ABCA12: variants seen among roughly 807,000 people sequenced by gnomAD.
ABCA12 encodes ATP binding cassette subfamily A member 12.
A neutral mutation model predicts 293.5 loss-of-function variants in ABCA12; 156 were observed. The observed-to-expected ratio is 0.53, with a 90% CI of 0.47 to 0.61. The LOEUF (loss-of-function observed/expected upper bound fraction) is 0.61. Ranked by LOEUF, ABCA12 falls within the 20% of genes least tolerant of loss-of-function variation. ABCA12 has a pLI of 0.00. For synonymous variants in ABCA12, 1,063 were observed against 1,108.0 expected (o/e 0.96, Z 0.81); for missense variants, 2,797 against 3,090.2 (o/e 0.91, Z 2.25).
chr2:214,947,378 T>C (rs766310530), intron 48 of ABCA12, 44 bp downstream of exon 48: 6 of 1,610,098 alleles, frequency 3.7e-6, no homozygotes, highest in Non-Finnish European at 5.1e-6. Flanking sequence ...TCAGATATGC[T>C]GTTCTAATTA....
chr2:215,110,382 G>A (rs1054448289), intron 2 of ABCA12, among the ~76,000 whole-genome samples: 1 of 152,112 alleles, frequency 6.6e-6, no homozygotes, highest in Non-Finnish European at 1.5e-5. Flanking sequence ...GTGGTGATGG[G>A]CGCCTGTAGT....
chr2:215,043,386 C>A (rs1306143645), intron 7 of ABCA12, among the ~76,000 whole-genome samples: 1 of 151,914 alleles, frequency 6.6e-6, no homozygotes, highest in Non-Finnish European at 1.5e-5. Context: ...CTGCATAGTG[C>A]CAAAATATGC....
At chr2:214,959,208 T>G in intron 39 of ABCA12, 130 bp from the exon 40 acceptor site, 1 of 808,788 alleles carries the variant, frequency 1.2e-6, no homozygotes, top group Non-Finnish European at 2.0e-6. Flanking sequence ...GGGACCTTTT[T>G]TTTTTAAAGG....
chr2:215,048,148 T>C (rs1195852081), intron 6 of ABCA12, among the ~76,000 whole-genome samples: 2 of 151,974 alleles, frequency 1.3e-5, no homozygotes, highest in African/African-American at 4.8e-5. Context: ...AGAATGGCTA[T>C]TAAAAAGTCA....
At chr2:215,094,473 C>A (rs2106110049) in intron 2 of ABCA12, among the ~76,000 whole-genome samples, 1 of 152,268 alleles carries the variant, frequency 6.6e-6, no homozygotes, top group African/African-American at 2.4e-5. Context: ...CCACTCAAGG[C>A]AAATGGTTCT....
intron 2 of ABCA12, among the ~76,000 whole-genome samples, chr2:215,103,935 C>T (rs962244101): frequency 1.3e-5 from 2 of 151,554 alleles, no homozygotes; most frequent in Admixed American, 6.6e-5. Flanking sequence ...TGCTGTGAGC[C>T]GAGATTGCGC....
chr2:215,074,067 TA>T (rs1195219727), intron 2 of ABCA12, among the ~76,000 whole-genome samples: 1 of 152,216 alleles, frequency 6.6e-6, no homozygotes, highest in Non-Finnish European at 1.5e-5. Flanking sequence ...TTTCCTTCTT[TA>T]AATTTTTCTC....
At chr2:215,135,044 C>A (rs1363645224) in intron 1 of ABCA12, among the ~76,000 whole-genome samples, 1 of 152,144 alleles carries the variant, frequency 6.6e-6, no homozygotes, top group East Asian at 1.9e-4. Flanking sequence ...CTCACGGCAA[C>A]CTCCACCTCC....
chr2:215,104,110 T>C (rs1483838772), intron 2 of ABCA12, among the ~76,000 whole-genome samples: 1 of 152,150 alleles, frequency 6.6e-6, no homozygotes, highest in Non-Finnish European at 1.5e-5. Flanking sequence ...TCTGCTCTTA[T>C]GAAGGAAAGA....
At chr2:215,009,080 C>T (rs1700315805) in intron 18 of ABCA12, among the ~76,000 whole-genome samples, 1 of 152,086 alleles carries the variant, frequency 6.6e-6, no homozygotes, top group African/African-American at 2.4e-5. Flanking sequence ...AACCTACATC[C>T]CTAACAATGA....
At chr2:215,048,689 T>C (rs775109203) in intron 6 of ABCA12, among the ~76,000 whole-genome samples, 5 of 151,764 alleles carry the variant, frequency 3.3e-5, no homozygotes, top group Admixed American at 1.3e-4. Context: ...AGTGACAGAG[T>C]GAAGCTGTGT....
chr2:214,952,222 G>GTT (rs34809500), intron 44 of ABCA12, among the ~76,000 whole-genome samples: 1 of 125,350 alleles, frequency 8.0e-6, no homozygotes. Flanking sequence ...TTTTTTTGTT[G>GTT]TTTTTTTTTT....
chr2:215,051,581 AAGATAT>A (rs1194787514), intron 5 of ABCA12, among the ~76,000 whole-genome samples: 1 of 145,126 alleles, frequency 6.9e-6, no homozygotes, highest in Non-Finnish European at 1.5e-5. Context: ...GTTGCTATAT[AAGATAT>A]AGATATATTA....
intron 2 of ABCA12, among the ~76,000 whole-genome samples, chr2:215,104,749 G>T (rs1375955891): frequency 6.6e-6 from 1 of 152,160 alleles, no homozygotes; most frequent in Non-Finnish European, 1.5e-5. Flanking sequence ...CAAGAAGCAG[G>T]CTGTTAATGC....
chr2:215,082,043 C>CTTTTTTTTT (rs549072917), intron 2 of ABCA12, among the ~76,000 whole-genome samples: 1 of 113,158 alleles, frequency 8.8e-6, no homozygotes, highest in Non-Finnish European at 1.7e-5. Context: ...ATTGTTAATT[C>CTTTTTTTTT]TTTTTTTTTT....
At chr2:214,976,337 T>A (rs1699516700) in intron 33 of ABCA12, among the ~76,000 whole-genome samples, 1 of 152,214 alleles carries the variant, frequency 6.6e-6, no homozygotes. Flanking sequence ...CAAAGTTAGA[T>A]ACCTAGAATT....
chr2:215,106,738 G>A (rs1559197914), intron 2 of ABCA12, among the ~76,000 whole-genome samples: 2 of 142,076 alleles, frequency 1.4e-5, no homozygotes, highest in Non-Finnish European at 1.5e-5. Context: ...TAAAGGGTAT[G>A]CTTTGGAGGC....
Position 215,007,718 on chromosome 2 carries a change from A to G in ABCA12, c.2592+9T>C, listed in dbSNP as rs1574978530. On this transcript the variant is annotated intron_variant, in intron 19 of 52. Coordinates refer to ENST00000272895, the MANE Select transcript of ABCA12 (RefSeq NM_173076.3). Reference sequence around the variant, plus strand: ...TCCTACTAAGTTGAATGACAGAAGCATCTCATACCTGGAGCATTGGAATTG... The same window carrying G: ...TCCTACTAAGTTGAATGACAGAAGCGTCTCATACCTGGAGCATTGGAATTG... The G allele has an allele frequency of 1.2e-6, 2 of 1,613,944 alleles. No individual in the cohort carries two copies. The highest frequency in any genetic ancestry group is 1.7e-6 in the Non-Finnish European group (2 of 1,179,896).
intron 30 of ABCA12, among the ~76,000 whole-genome samples, 194 bp downstream of exon 30, chr2:214,981,993 T>C (rs995831983): frequency 7.1e-6 from 1 of 140,442 alleles, no homozygotes; most frequent in Non-Finnish European, 1.5e-5. Flanking sequence ...TATTTTATTA[T>C]TATTGACAGC....
Sources: gnomAD v4.1 joint callset for allele counts (sites outside exome capture counted in the v4.1 genomes callset) on GRCh38, gnomAD v4.1.1 for gene constraint, MANE v1.5 for transcripts, NCBI Gene and HGNC (gene_info 2026-07-23, HGNC 2026-07-21) for gene names.